Variants in SH3RF2 observed in about 807,000 individuals in gnomAD.
SH3RF2 encodes E3 ubiquitin-protein ligase SH3RF2.
In SH3RF2, 43 loss-of-function variants were observed where a neutral mutation model predicts 59.0. That is an observed-to-expected ratio of 0.73 (90% confidence interval 0.57 to 0.94). SH3RF2 has a LOEUF of 0.94. Ranked by LOEUF, SH3RF2 falls within the 40% of genes least tolerant of loss-of-function variation. The pLI is 0.00. For missense variants in SH3RF2, 930 were observed against 940.1 expected, an observed-to-expected ratio of 0.99 and a Z score of 0.14; for synonymous variants, 391 against 391.5, an observed-to-expected ratio of 1.00 and a Z score of 0.01.
downstream of SH3RF2, among the ~76,000 whole-genome samples, chr5:146,067,735 G>T (rs981714026): frequency 2.0e-5 from 3 of 152,130 alleles, no homozygotes; most frequent in South Asian, 4.1e-4. Context: ...AAAGAGGTTT[G>T]TACTGATAGG....
At position 145,941,711 on chromosome 5, in the gene SH3RF2, C is replaced by A. The variant is rs75911551; in HGVS notation, c.378+3405C>A. Among the ~76,000 whole-genome samples, 1,062 of 152,244 alleles carry A rather than the reference C, an allele frequency of 7.0e-3. 2 individuals are homozygous for A. Among genetic ancestry groups the A allele is most frequent in the Non-Finnish European group, 0.012 (841 of 68,010 alleles). ...TACCCAAATTCAAATCCTGACTCTG[C>A]CCCTCAACAGTTCTGCACTTTGGGT... On this transcript the variant is annotated intron_variant, in intron 2 of 9. Transcript: ENST00000359120.
At chr5:145,971,684 A>G (rs1401166255) in intron 2 of SH3RF2, among the ~76,000 whole-genome samples, 2 of 152,162 alleles carry the variant, frequency 1.3e-5, no homozygotes, top group African/African-American at 4.8e-5. Context: ...ACAAGGATTG[A>G]CCAGCTGTGG....
intron 5 of SH3RF2, among the ~76,000 whole-genome samples, chr5:146,031,458 T>G (rs1372650035): frequency 6.6e-6 from 1 of 152,268 alleles, no homozygotes; most frequent in Non-Finnish European, 1.5e-5. Flanking sequence ...AGGAATCTGA[T>G]GAAAGAAAGA....
At chr5:146,041,740 G>A (rs1439722639) in intron 5 of SH3RF2, among the ~76,000 whole-genome samples, 1 of 152,026 alleles carries the variant, frequency 6.6e-6, no homozygotes, top group Non-Finnish European at 1.5e-5. Context: ...GACCAGCCTG[G>A]GCAACGTGGT....
intron 2 of SH3RF2, among the ~76,000 whole-genome samples, chr5:145,982,764 G>A (rs1231436561): frequency 1.3e-5 from 2 of 152,190 alleles, no homozygotes; most frequent in Non-Finnish European, 2.9e-5. Flanking sequence ...CACCATGAGA[G>A]CATGTGAGAG....
At position 146,056,220 on chromosome 5, in the gene SH3RF2, G is replaced by A; in HGVS notation, c.1555+7G>A. ...CGGAGCAGCATGAGAAAGAGTAAGT[G>A]GTGGCAGAGAGGTACGTGCCTAGAG... is the stretch of plus-strand genomic sequence containing the variant. On this transcript the variant is annotated splice_region_variant and intron_variant, in intron 8 of 9. Transcript: ENST00000359120. 6.2e-7 allele frequency: 1 copy of A among 1,614,186 alleles called. No individual in the cohort carries two copies. Among genetic ancestry groups the A allele is most frequent in the African/African-American group, 1.3e-5 (1 of 75,060 alleles).
chr5:145,982,591 A>G (rs1454539360), intron 2 of SH3RF2, among the ~76,000 whole-genome samples: 1 of 152,232 alleles, frequency 6.6e-6, no homozygotes, highest in African/African-American at 2.4e-5. Flanking sequence ...GGAGACTATC[A>G]TTCATGGATT....
intron 2 of SH3RF2, among the ~76,000 whole-genome samples, chr5:145,958,776 G>T (rs1180699460): frequency 6.6e-6 from 1 of 152,092 alleles, no homozygotes; most frequent in Non-Finnish European, 1.5e-5. Flanking sequence ...TTCTTGCCCG[G>T]GCCATTGTAA....
At chr5:145,967,805 A>G (rs919544034) in intron 2 of SH3RF2, among the ~76,000 whole-genome samples, 60 of 152,058 alleles carry the variant, frequency 3.9e-4, no homozygotes, top group African/African-American at 1.4e-3. Context: ...GACCACAGGC[A>G]TGCAGCACCA....
chr5:146,016,398 G>T (rs77326988), intron 5 of SH3RF2, among the ~76,000 whole-genome samples: 1 of 147,974 alleles, frequency 6.8e-6, no homozygotes, highest in Non-Finnish European at 1.5e-5. Context: ...ATGGATGGAT[G>T]GATGGATAGA....
intron 9 of SH3RF2, among the ~76,000 whole-genome samples, chr5:146,072,607 G>T (rs977171021): frequency 5.9e-5 from 9 of 152,082 alleles, no homozygotes; most frequent in African/African-American, 2.2e-4. Context: ...GGAGGCAGAG[G>T]TTGCAGTGAG....
At chr5:145,995,007 T>A (rs76816822) in intron 2 of SH3RF2, among the ~76,000 whole-genome samples, 5 of 150,344 alleles carry the variant, frequency 3.3e-5, no homozygotes, top group Non-Finnish European at 3.0e-5. Context: ...TCATAAATAA[T>A]AAAAAAAAAG....
downstream of SH3RF2, among the ~76,000 whole-genome samples, chr5:146,065,954 C>T (rs1467862906): frequency 6.6e-6 from 1 of 152,216 alleles, no homozygotes; most frequent in Non-Finnish European, 1.5e-5. Context: ...CCACACCCAG[C>T]CCCAACATGT....
At chr5:146,078,031 A>C (rs1308881428) in intron 9 of SH3RF2, among the ~76,000 whole-genome samples, 2 of 152,190 alleles carry the variant, frequency 1.3e-5, no homozygotes, top group Non-Finnish European at 2.9e-5. Context: ...GGAGAAGGAA[A>C]AGCTCTCCCT....
chr5:145,943,967 T>A (rs4143869), intron 2 of SH3RF2, among the ~76,000 whole-genome samples: 36,712 of 152,062 alleles, frequency 0.24, 6,987 homozygotes, highest in African/African-American at 0.52. Context: ...CTATAAAAAG[T>A]CTCAGGAGAG....
chr5:145,997,072 A>C (rs1272636647), intron 2 of SH3RF2: 2 of 553,810 alleles, frequency 3.6e-6, no homozygotes, highest in Non-Finnish European at 6.5e-6. Flanking sequence ...GTACATGTGA[A>C]GGTTTGTTAC....
At chr5:145,997,573 T>C (rs4913060) in intron 2 of SH3RF2, 976,654 of 1,605,926 alleles carry the variant, frequency 0.61, 299,846 homozygotes, top group Middle Eastern at 0.81. Flanking sequence ...TCAGGATTGG[T>C]GGGCTTGGTT....
Position 146,056,195 on chromosome 5 carries a change from C to A in SH3RF2, c.1537C>A (p.Arg513=), listed in dbSNP as rs373327542. 1 of 1,614,188 alleles carries A rather than the reference C, an allele frequency of 6.2e-7. No individual in the cohort carries two copies. The highest frequency in any genetic ancestry group is 8.5e-7 in the Non-Finnish European group (1 of 1,180,050). ...TLGQGSLRKG[R]SSMRKNGSLQ... is the part of the protein sequence containing the mutation. ...AGGACAAGGGTCTCTTCGGAAAGGG[C>A]GGAGCAGCATGAGAAAGAGTAAGTG... The change falls in exon 8 of 10, where the codon CGG becomes AGG. Residue 513 remains arginine (R), a synonymous_variant. Coordinates refer to ENST00000359120, the MANE Select transcript of SH3RF2 (RefSeq NM_152550.4).
Position 146,059,857 on chromosome 5 carries a change from A to T in SH3RF2, c.1556-9A>T. 6.9e-7 allele frequency: 1 copy of T among 1,445,140 alleles called. No individual in the cohort carries two copies. The highest frequency in any genetic ancestry group is 2.6e-5 in the East Asian group (1 of 39,094). The allele number at this position is 1,445,140 out of a possible 1,614,324, so 89.5% of individuals were successfully genotyped here. A position where few individuals can be genotyped will look rare whatever the true frequency, so the allele number is the denominator to read the frequency against. The stretch of plus-strand genomic sequence containing the variant: ...CTGCTGCTGATCTCTCTGTCCTATA[A>T]TTCCCCAGATGGATCCCTGCAGAGA... On this transcript the variant is annotated splice_polypyrimidine_tract_variant and intron_variant, in intron 8 of 9. Coordinates refer to ENST00000359120, the MANE Select transcript of SH3RF2 (RefSeq NM_152550.4).
Sources: gnomAD v4.1 joint callset for allele counts (sites outside exome capture counted in the v4.1 genomes callset) on GRCh38, gnomAD v4.1.1 for gene constraint, MANE v1.5 for transcripts, NCBI Gene and HGNC (gene_info 2026-07-23, HGNC 2026-07-21) for gene names.